POLR3B: variants seen among roughly 807,000 people sequenced by gnomAD.
The protein encoded by POLR3B is RNA polymerase III subunit B.
In POLR3B, 96 loss-of-function variants were observed where a neutral mutation model predicts 147.4. That is an observed-to-expected ratio of 0.65 (90% CI 0.55 to 0.77). The LOEUF is 0.77. Ranked by LOEUF, POLR3B falls within the 30% of genes least tolerant of loss-of-function variation. The pLI, the probability that POLR3B is intolerant of heterozygous loss-of-function variation, is 0.00. For missense variants in POLR3B, 1,036 were observed against 1,413.5 expected (o/e 0.73, Z 4.28); for synonymous variants, 461 against 485.9 (o/e 0.95, Z 0.67).
chr12:106,429,343 T>C (rs927999524), intron 13 of POLR3B, among the ~76,000 whole-genome samples: 1 of 152,142 alleles, frequency 6.6e-6, no homozygotes, highest in Non-Finnish European at 1.5e-5. Flanking sequence ...TTTTGCCACG[T>C]TGGCAGGCTG....
chr12:106,472,806 T>G (rs1361402409), intron 23 of POLR3B, among the ~76,000 whole-genome samples: 1 of 110,956 alleles, frequency 9.0e-6, no homozygotes, highest in East Asian at 2.0e-4. Flanking sequence ...TCTCCCATGT[T>G]GTAGGTTGCC....
At chr12:106,392,984 A>C in intron 9 of POLR3B, 47 bp from the exon 10 acceptor site, 1 of 1,612,536 alleles carries the variant, frequency 6.2e-7, no homozygotes, top group Non-Finnish European at 8.5e-7. Flanking sequence ...AATGTCAGTG[A>C]GTTAACACAA....
At chr12:106,412,850 C>A (rs2136939257) in intron 12 of POLR3B, among the ~76,000 whole-genome samples, 1 of 152,216 alleles carries the variant, frequency 6.6e-6, no homozygotes, top group East Asian at 1.9e-4. Context: ...AAACAAGTAT[C>A]CTTTTTACTA....
chr12:106,397,056 T>C (rs564919405), intron 10 of POLR3B, among the ~76,000 whole-genome samples: 2 of 151,634 alleles, frequency 1.3e-5, no homozygotes, highest in East Asian at 1.9e-4. Context: ...GCCTAGGAGA[T>C]TGAGGCTGCA....
In POLR3B at chr12:106,438,627, T is replaced by A. The variant is rs1352596061; in HGVS notation, c.1955+848T>A. On this transcript the variant is annotated intron_variant, in intron 18 of 27. Transcript: ENST00000228347. ...CTCCCACTTCAGTCTCCTGAGTAGT[T>A]GGGATTACAGGCATGAGCCACCATG... Among the ~76,000 whole-genome samples, 33 of 152,186 alleles carry A rather than the reference T, an allele frequency of 2.2e-4. 1 individual carries two copies. Among genetic ancestry groups the A allele is most frequent in the Admixed American group, 2.2e-3 (33 of 15,284 alleles).
chr12:106,461,123 C>T (rs2037927368), intron 22 of POLR3B, among the ~76,000 whole-genome samples: 1 of 151,820 alleles, frequency 6.6e-6, no homozygotes, highest in Non-Finnish European at 1.5e-5. Context: ...GAGATGGAGT[C>T]TCGCACTGTC....
chr12:106,385,748 C>T (rs1296283871), intron 9 of POLR3B, among the ~76,000 whole-genome samples: 3 of 152,102 alleles, frequency 2.0e-5, no homozygotes, highest in African/African-American at 4.8e-5. Flanking sequence ...AGGAAGCATC[C>T]ATGTTCTAAA....
chr12:106,427,788 A>G (rs1046026658), intron 13 of POLR3B, among the ~76,000 whole-genome samples: 1 of 152,194 alleles, frequency 6.6e-6, no homozygotes, highest in Non-Finnish European at 1.5e-5. Context: ...CACATAAGCA[A>G]TGAATTCAGT....
intron 1 of POLR3B, among the ~76,000 whole-genome samples, chr12:106,358,993 G>A (rs904541108): frequency 2.6e-5 from 4 of 152,164 alleles, no homozygotes; most frequent in Non-Finnish European, 5.9e-5. Flanking sequence ...CAAGGCGGGC[G>A]GATCACTTGG....
chr12:106,403,730 T>C (rs1032172965), intron 10 of POLR3B, among the ~76,000 whole-genome samples: 9 of 146,698 alleles, frequency 6.1e-5, no homozygotes, highest in Non-Finnish European at 1.3e-4. Flanking sequence ...AAACACCACA[T>C]GTTCTCACTC....
intron 11 of POLR3B, chr12:106,410,475 TG>T: frequency 7.8e-6 from 2 of 254,958 alleles, no homozygotes; most frequent in Non-Finnish European, 1.5e-5. Context: ...ATTCTGGAAT[TG>T]GCTGGTATCA....
chr12:106,476,826 G>C (rs2038178042), intron 23 of POLR3B, among the ~76,000 whole-genome samples: 1 of 152,034 alleles, frequency 6.6e-6, no homozygotes, highest in South Asian at 2.1e-4. Flanking sequence ...TCCTCCCGTA[G>C]CTCAGAGTAA....
intron 23 of POLR3B, among the ~76,000 whole-genome samples, chr12:106,491,675 C>A (rs2038409574): frequency 6.6e-6 from 1 of 152,184 alleles, no homozygotes. Context: ...TCATTTAGAG[C>A]ATTAGAAAGT....
intron 9 of POLR3B, among the ~76,000 whole-genome samples, chr12:106,381,645 C>A (rs1364126871): frequency 6.6e-6 from 1 of 152,214 alleles, no homozygotes; most frequent in East Asian, 1.9e-4. Flanking sequence ...TTAAACCCCT[C>A]AAAATCATCC....
intron 19 of POLR3B, among the ~76,000 whole-genome samples, chr12:106,448,174 A>C (rs530507357): frequency 6.6e-6 from 1 of 152,210 alleles, no homozygotes; most frequent in East Asian, 1.9e-4. Flanking sequence ...AAGTTTTTTT[A>C]ATTATTATAG....
Position 106,509,441 on chromosome 12 carries a change from C to T in POLR3B, c.3294C>T (p.Ser1098=), listed in dbSNP as rs1324951758. The T allele has an allele frequency of 6.2e-7, 1 of 1,613,930 alleles. No homozygotes were observed. Among genetic ancestry groups the T allele is most frequent in the Admixed American group, 1.7e-5 (1 of 60,020 alleles). ...YSGWCHYCKS[S]CHVSSLRIPY... ...TCAGGTGCCATTACTGCAAGTCATC[C>T]TGCCACGTGTCTTCCCTCCGTATTC... The change falls in exon 28 of 28, where the codon TCC becomes TCT. Residue 1098 remains serine, a synonymous_variant. Coordinates refer to ENST00000228347, the MANE Select transcript of POLR3B (RefSeq NM_018082.6).
chr12:106,358,129 C>T (rs899589140), intron 1 of POLR3B, 178 bp downstream of exon 1: 2 of 1,478,458 alleles, frequency 1.4e-6, no homozygotes, highest in South Asian at 1.3e-5. Context: ...CCTCCGCGTG[C>T]GCGAGTGAAG....
chr12:106,486,091 C>T (rs1424933864), intron 23 of POLR3B, among the ~76,000 whole-genome samples: 1 of 151,716 alleles, frequency 6.6e-6, no homozygotes. Flanking sequence ...AGATCGAGAC[C>T]GTCCTGGCTA....
intron 10 of POLR3B, among the ~76,000 whole-genome samples, chr12:106,395,885 G>A (rs988984208): frequency 2.6e-5 from 4 of 152,044 alleles, no homozygotes; most frequent in African/African-American, 4.8e-5. Context: ...CAGGAGAATC[G>A]CTTGAACCCA....
Sources: gnomAD v4.1 joint callset for allele counts (sites outside exome capture counted in the v4.1 genomes callset) on GRCh38, gnomAD v4.1.1 for gene constraint, MANE v1.5 for transcripts, NCBI Gene and HGNC (gene_info 2026-07-23, HGNC 2026-07-21) for gene names.